NXPE4: variants seen among roughly 807,000 people sequenced by gnomAD.
NXPE4 encodes neurexophilin and PC-esterase domain family member 4, also known as NXPE family member 4.
Under a neutral mutation model 33.3 loss-of-function variants are expected in NXPE4, and 42 were observed. That is an observed-to-expected ratio of 1.26 (90% CI 0.98 to 1.63). The LOEUF (loss-of-function observed/expected upper bound fraction) is 1.63, where lower values mean the gene tolerates loss of function less well. Ranked by LOEUF, NXPE4 falls within the 40% of genes most tolerant of loss-of-function variation. The pLI is 0.00. For synonymous variants in NXPE4, 253 were observed against 234.9 expected, an observed-to-expected ratio of 1.08 and a Z score of -0.71; for missense variants, 709 against 647.6, an observed-to-expected ratio of 1.09 and a Z score of -1.03.
In NXPE4 at chr11:114,571,276, TAA is replaced by T. The variant is rs1948877984; in HGVS notation, c.1295_1296del (p.Val432AspfsTer13). The T allele has an allele frequency of 6.2e-7, 1 of 1,613,808 alleles. No homozygotes were observed. Among genetic ancestry groups the T allele is most frequent in the African/African-American group, 1.3e-5 (1 of 74,872 alleles). ...RTGGEKNTVI[V>X]ISLGQHFRPF... ...GGTCTGAAATGCTGGCCCAGGGAAA[TAA>T]CAATGACAGTATTTTTTTCTCCTCC... On this transcript the variant is annotated frameshift_variant, in exon 6 of 6. Coordinates refer to ENST00000375478, the MANE Select transcript of NXPE4 (RefSeq NM_001077639.2). LOFTEE classifies it low-confidence loss of function (END_TRUNC).
At chr11:114,665,215 A>T in the NXPE4 span, among the ~76,000 whole-genome samples, 1 of 152,178 alleles carries the variant, frequency 6.6e-6, no homozygotes, top group Non-Finnish European at 1.5e-5. Flanking sequence ...TCTATTTAAG[A>T]TAAATTCAAA....
At chr11:114,612,262 C>T in the NXPE4 span, among the ~76,000 whole-genome samples, 5 of 151,872 alleles carry the variant, frequency 3.3e-5, no homozygotes, top group African/African-American at 4.8e-5. Flanking sequence ...TAAGTGTTGC[C>T]TCTTCAGTAA....
chr11:114,583,031 C>G lies in NXPE4; in HGVS notation c.97-10G>C. 1 of 1,596,922 alleles carries G rather than the reference C, an allele frequency of 6.3e-7. No individual in the cohort carries two copies. Among genetic ancestry groups the G allele is most frequent in the Non-Finnish European group, 8.5e-7 (1 of 1,172,628 alleles). On this transcript the variant is annotated splice_polypyrimidine_tract_variant and intron_variant, in intron 2 of 5. Transcript: ENST00000375478. ...TTAGAGCAGACCAAACCTGAAATGA[C>G]AGCAAATGTGACATGAGATGGATAA...
chr11:114,599,136 A>G (rs1467706225), upstream of NXPE4, among the ~76,000 whole-genome samples: 4 of 152,172 alleles, frequency 2.6e-5, no homozygotes, highest in East Asian at 7.7e-4. Flanking sequence ...TTTGCTGCTT[A>G]GAAATTTCTT....
chr11:114,645,156 G>T, the NXPE4 span, among the ~76,000 whole-genome samples: 28 of 152,052 alleles, frequency 1.8e-4, no homozygotes, highest in Non-Finnish European at 3.4e-4. Flanking sequence ...ACAAAAATTA[G>T]CTGGGCGTGA....
chr11:114,570,766 C>G lies in NXPE4; in HGVS notation c.*172G>C. ...TTTAGTTTTATTTTTAAGTGGAAGC[C>G]CAGATTAGAAACATCTCATTTAGCT... On this transcript the variant is annotated 3_prime_UTR_variant, in exon 6 of 6. Coordinates refer to ENST00000375478, the MANE Select transcript of NXPE4 (RefSeq NM_001077639.2). 3.8e-6 allele frequency: 2 copies of G among 525,546 alleles called. No homozygotes were observed. Among genetic ancestry groups the G allele is most frequent in the South Asian group, 6.5e-5 (2 of 30,596 alleles). 32.6% of individuals were successfully genotyped at this position (525,546 alleles called of 1,614,324 possible).
the NXPE4 span, among the ~76,000 whole-genome samples, chr11:114,665,353 T>C: frequency 6.6e-6 from 1 of 152,178 alleles, no homozygotes; most frequent in Non-Finnish European, 1.5e-5. Flanking sequence ...GATGATCTAT[T>C]AACAATGATG....
the NXPE4 span, among the ~76,000 whole-genome samples, chr11:114,624,803 G>A: frequency 6.6e-6 from 1 of 152,190 alleles, no homozygotes; most frequent in Non-Finnish European, 1.5e-5. Context: ...TTACCCGGTG[G>A]ATAGTAAGTA....
In NXPE4 at chr11:114,571,571, A is replaced by G. The variant is rs1395051361; in HGVS notation, c.1100-98T>C. 9.1e-6 allele frequency: 10 copies of G among 1,101,082 alleles called. No individual in the cohort carries two copies. In the Admixed American group the frequency reaches 2.3e-4, roughly 26 times the overall value. 68.2% of individuals were successfully genotyped at this position (1,101,082 alleles called of 1,614,324 possible). ...AGAGATTTGATTGGTATAATTAAAT[A>G]AGCTAATCATGTCTAATTTATTATA... On this transcript the variant is annotated intron_variant, in intron 5 of 5. Transcript: ENST00000375478.
the NXPE4 span, among the ~76,000 whole-genome samples, chr11:114,662,836 C>T: frequency 6.6e-6 from 1 of 152,168 alleles, no homozygotes; most frequent in Non-Finnish European, 1.5e-5. Context: ...AGGACCCAGT[C>T]CTGGCAACAG....
At chr11:114,635,902 T>C in the NXPE4 span, among the ~76,000 whole-genome samples, 1 of 152,112 alleles carries the variant, frequency 6.6e-6, no homozygotes, top group Admixed American at 6.6e-5. Context: ...TCAATGTTCA[T>C]CAAGGATATT....
chr11:114,624,364 G>A, the NXPE4 span, among the ~76,000 whole-genome samples: 1 of 152,026 alleles, frequency 6.6e-6, no homozygotes, highest in Non-Finnish European at 1.5e-5. Context: ...TTGCCCCAGG[G>A]TAACCACTGT....
chr11:114,615,567 AACC>A, the NXPE4 span, among the ~76,000 whole-genome samples: 416 of 151,876 alleles, frequency 2.7e-3, 16 homozygotes, highest in African/African-American at 9.5e-3. Context: ...CTTCGTGGGT[AACC>A]ACCTTTACCT....
At chr11:114,600,245 C>T (rs1394666198), upstream of NXPE4, among the ~76,000 whole-genome samples, 1 of 152,132 alleles carries the variant, frequency 6.6e-6, no homozygotes, top group Non-Finnish European at 1.5e-5. Context: ...GATGGGTTAA[C>T]ATAACCAGTA....
the NXPE4 span, among the ~76,000 whole-genome samples, chr11:114,620,630 C>A: frequency 1.1e-4 from 17 of 151,916 alleles, no homozygotes; most frequent in African/African-American, 4.1e-4. Context: ...TAAGTGTTGC[C>A]TCTAGAGTAA....
the NXPE4 span, among the ~76,000 whole-genome samples, chr11:114,610,100 G>T: frequency 6.6e-6 from 1 of 151,728 alleles, no homozygotes; most frequent in Non-Finnish European, 1.5e-5. Flanking sequence ...TGAATAATAA[G>T]TGTTGTCTTG....
chr11:114,632,197 T>C, the NXPE4 span, among the ~76,000 whole-genome samples: 1 of 141,776 alleles, frequency 7.1e-6, no homozygotes, highest in East Asian at 2.0e-4. Context: ...AATGATCATA[T>C]ATACATATTA....
chr11:114,610,661 G>T, the NXPE4 span, among the ~76,000 whole-genome samples: 8 of 151,804 alleles, frequency 5.3e-5, no homozygotes, highest in Admixed American at 4.6e-4. Flanking sequence ...TTAACCGGTG[G>T]ATAATACATG....
chr11:114,619,150 G>GA, the NXPE4 span, among the ~76,000 whole-genome samples: 1 of 151,968 alleles, frequency 6.6e-6, no homozygotes, highest in Non-Finnish European at 1.5e-5. Flanking sequence ...TTACCCAGTG[G>GA]GTAATAAGTA....
Sources: gnomAD v4.1 joint callset for allele counts (sites outside exome capture counted in the v4.1 genomes callset) on GRCh38, gnomAD v4.1.1 for gene constraint, MANE v1.5 for transcripts, NCBI Gene and HGNC (gene_info 2026-07-23, HGNC 2026-07-21) for gene names.